The following TAFA2 variants were observed in gnomAD, a reference collection of about 807,000 sequenced individuals.
The protein encoded by TAFA2 is TAFA chemokine like family member 2.
A neutral mutation model predicts 18.8 loss-of-function variants in TAFA2; 7 were observed. That is an observed-to-expected ratio of 0.37 (90% CI 0.21 to 0.70). TAFA2 has a LOEUF of 0.70. TAFA2 is among the 30% of genes least tolerant of loss of function. TAFA2 has a pLI of 0.53. For synonymous variants in TAFA2, 60 were observed against 54.2 expected (o/e 1.11, Z -0.47); for missense variants, 122 against 158.1 (o/e 0.77, Z 1.23).
chr12:61,798,218 G>C (rs1871267009), intron 2 of TAFA2, among the ~76,000 whole-genome samples: 1 of 152,072 alleles, frequency 6.6e-6, no homozygotes, highest in East Asian at 1.9e-4. Context: ...TTCATGATCA[G>C]CTAATGCATC....
chr12:62,102,676 C>T (rs747130697), intron 1 of TAFA2, among the ~76,000 whole-genome samples: 1 of 152,176 alleles, frequency 6.6e-6, no homozygotes, highest in Non-Finnish European at 1.5e-5. Flanking sequence ...AGAGCTACCT[C>T]CTAAATCTGA....
intron 1 of TAFA2, among the ~76,000 whole-genome samples, chr12:61,975,514 C>CGCGTGTGTGTGTGTGTGTGTGTGT (rs1555180431): frequency 5.9e-5 from 8 of 136,652 alleles, no homozygotes; most frequent in African/African-American, 2.2e-4. Flanking sequence ...CAATAATATT[C>CGCGTGTGTGTGTGTGTGTGTGTGT]GTGTGTGTGT....
chr12:62,199,257 T>C (rs528920285), intron 1 of TAFA2, among the ~76,000 whole-genome samples: 3 of 152,330 alleles, frequency 2.0e-5, no homozygotes, highest in South Asian at 4.1e-4. Flanking sequence ...GTTTGTTACA[T>C]AGGTAAACAT....
At chr12:62,182,458 T>C (rs1592387576) in intron 1 of TAFA2, among the ~76,000 whole-genome samples, 1 of 152,240 alleles carries the variant, frequency 6.6e-6, no homozygotes, top group South Asian at 2.1e-4. Flanking sequence ...AATTTAGTGA[T>C]AAAAATGCTT....
intron 1 of TAFA2, among the ~76,000 whole-genome samples, chr12:62,047,117 A>G (rs1881929730): frequency 6.6e-6 from 1 of 152,132 alleles, no homozygotes; most frequent in African/African-American, 2.4e-5. Context: ...TGAAGCATCA[A>G]CAAGTGTACT....
intron 1 of TAFA2, among the ~76,000 whole-genome samples, chr12:62,228,330 A>G (rs952325704): frequency 1.3e-5 from 2 of 152,166 alleles, no homozygotes; most frequent in Non-Finnish European, 2.9e-5. Flanking sequence ...TATTGTGAAT[A>G]GTGCTGTGAT....
chr12:62,063,855 G>GACAC (rs3031045), intron 1 of TAFA2, among the ~76,000 whole-genome samples: 10,269 of 147,836 alleles, frequency 0.069, 387 homozygotes, highest in East Asian at 0.12. Context: ...AGGGTGGCTG[G>GACAC]ACACACACAC....
intron 1 of TAFA2, among the ~76,000 whole-genome samples, chr12:62,129,382 A>G (rs1470281909): frequency 6.6e-6 from 1 of 152,034 alleles, no homozygotes; most frequent in Non-Finnish European, 1.5e-5. Flanking sequence ...AAGAAGTAAC[A>G]ATTCTAACTC....
intron 1 of TAFA2, among the ~76,000 whole-genome samples, chr12:61,928,780 G>A (rs1039875130): frequency 2.0e-5 from 3 of 152,110 alleles, no homozygotes; most frequent in African/African-American, 4.8e-5. Flanking sequence ...GGCCATCAAT[G>A]ATAGACTGGA....
At chr12:62,123,206 C>G (rs1209644829) in intron 1 of TAFA2, among the ~76,000 whole-genome samples, 2 of 152,192 alleles carry the variant, frequency 1.3e-5, no homozygotes, top group Admixed American at 1.3e-4. Context: ...TGCATACTCT[C>G]TCTCTATGCC....
At chr12:62,079,498 C>CAA (rs368325566) in intron 1 of TAFA2, among the ~76,000 whole-genome samples, 7 of 109,340 alleles carry the variant, frequency 6.4e-5, no homozygotes, top group Non-Finnish European at 8.1e-5. Flanking sequence ...ACTAAAAATA[C>CAA]AAAAAAAAAA....
chr12:61,783,913 A>G (rs1280000909), intron 2 of TAFA2, among the ~76,000 whole-genome samples: 1 of 151,598 alleles, frequency 6.6e-6, no homozygotes, highest in Non-Finnish European at 1.5e-5. Flanking sequence ...TTATTTAGTC[A>G]GAAGAGAGAA....
In TAFA2 at chr12:62,022,574, A is replaced by G. The variant is rs1221157630; in HGVS notation, c.-1-155148T>C. On this transcript the variant is annotated intron_variant, in intron 1 of 4. Coordinates refer to ENST00000416284, the MANE Select transcript of TAFA2 (RefSeq NM_178539.5). ...GTGCTTCAGTGTATTAATTCATTCAATCCTCACTCATATAATCTGAGCAAG... is the reference window on the plus strand; with the variant it reads ...GTGCTTCAGTGTATTAATTCATTCAGTCCTCACTCATATAATCTGAGCAAG... Among the ~76,000 whole-genome samples, 4 of 152,178 alleles carry G rather than the reference A, an allele frequency of 2.6e-5. No homozygotes were observed. In the East Asian group the frequency reaches 5.8e-4, roughly 22 times the overall value.
At position 61,785,720 on chromosome 12, in the gene TAFA2, A is replaced by T. The variant is rs1870710210; in HGVS notation, c.107-30696T>A. Among the ~76,000 whole-genome samples, 3 of 151,652 alleles carry T rather than the reference A, an allele frequency of 2.0e-5. No individual in the cohort carries two copies. The South Asian group carries it at 6.2e-4, about 31-fold the overall frequency. On this transcript the variant is annotated intron_variant, in intron 2 of 4. Coordinates refer to ENST00000416284, the MANE Select transcript of TAFA2 (RefSeq NM_178539.5). ...GACTCCTACATGTTGAATCTGAGAC[A>T]GGCAAAAAAAAATTAATGTCTTATA...
chr12:62,249,475 C>G (rs541712612), intron 1 of TAFA2, among the ~76,000 whole-genome samples: 1 of 152,056 alleles, frequency 6.6e-6, no homozygotes, highest in Non-Finnish European at 1.5e-5. Context: ...GTTCCCATGA[C>G]AGTTGATTAT....
At chr12:61,746,603 A>C (rs918102466) in intron 4 of TAFA2, among the ~76,000 whole-genome samples, 1 of 152,142 alleles carries the variant, frequency 6.6e-6, no homozygotes, top group South Asian at 2.1e-4. Flanking sequence ...CCTGAGCTAC[A>C]CTGTGCCTGG....
intron 1 of TAFA2, among the ~76,000 whole-genome samples, chr12:62,043,865 A>G (rs1881835648): frequency 1.3e-5 from 2 of 152,198 alleles, no homozygotes; most frequent in African/African-American, 4.8e-5. Flanking sequence ...CTTTGCTGGC[A>G]TTAGATTGAA....
rs574964527 is a variant in TAFA2, at chr12:62,203,148, G to A, written c.-130+55615C>T. Among the ~76,000 whole-genome samples, 7 of 152,248 alleles carry A rather than the reference G, an allele frequency of 4.6e-5. No homozygotes were observed. The East Asian group carries it at 5.8e-4, about 13-fold the overall frequency. On this transcript the variant is annotated intron_variant, in intron 1 of 5. Transcript: ENST00000551619. ...ATCTTACATGTAGTTATGTGGTTCT[G>A]AGGGGGTTTCTTAAGTCTTGAGCTC...
intron 1 of TAFA2, among the ~76,000 whole-genome samples, chr12:62,027,725 T>C (rs535966536): frequency 6.6e-6 from 1 of 152,318 alleles, no homozygotes; most frequent in Non-Finnish European, 1.5e-5. Context: ...CAGCAGATTA[T>C]ATTTCCCTTT....
Sources: allele counts gnomAD v4.1 joint callset (sites outside exome capture counted in the v4.1 genomes callset), GRCh38; gene constraint gnomAD v4.1.1; transcripts MANE v1.5; gene names NCBI Gene and HGNC (gene_info 2026-07-23, HGNC 2026-07-21).